The following NEGR1 variants were observed in gnomAD, a reference collection of about 807,000 sequenced individuals.
The protein encoded by NEGR1 is neuronal growth regulator 1, also known as IgLON family member 4.
A neutral mutation model predicts 40.9 loss-of-function variants in NEGR1; 10 were observed. The ratio of observed to expected loss-of-function variants is 0.24; its 90% CI spans 0.15 to 0.42. The LOEUF (loss-of-function observed/expected upper bound fraction) is 0.42, where lower values mean the gene tolerates loss of function less well. Among genes scored for constraint, NEGR1 ranks in the 10% least tolerant of loss-of-function variants. NEGR1 has a pLI of 1.00. For missense variants in NEGR1, 352 were observed against 438.9 expected (o/e 0.80, Z 1.77); for synonymous variants, 185 against 166.8 (o/e 1.11, Z -0.84).
chr1:71,634,627 T>G (rs1651084026), intron 4 of NEGR1, among the ~76,000 whole-genome samples: 1 of 152,134 alleles, frequency 6.6e-6, no homozygotes, highest in Admixed American at 6.6e-5. Flanking sequence ...TTGAATTGAT[T>G]TTAGGACTAA....
At chr1:71,500,786 C>T (rs927115408) in intron 6 of NEGR1, among the ~76,000 whole-genome samples, 1 of 151,906 alleles carries the variant, frequency 6.6e-6, no homozygotes, top group Non-Finnish European at 1.5e-5. Flanking sequence ...AATGCATAGC[C>T]TACCATATAC....
chr1:72,220,626 T>C (rs944885626), intron 1 of NEGR1, among the ~76,000 whole-genome samples: 6 of 151,358 alleles, frequency 4.0e-5, no homozygotes, highest in Non-Finnish European at 8.9e-5. Context: ...ACTAACTGAA[T>C]TTCTATATAA....
At chr1:71,876,185 T>G (rs1660424574) in intron 2 of NEGR1, among the ~76,000 whole-genome samples, 1 of 152,092 alleles carries the variant, frequency 6.6e-6, no homozygotes, top group African/African-American at 2.4e-5. Context: ...TATAGAATAT[T>G]TTTCTTCGGA....
At chr1:71,816,434 C>A (rs572005654) in intron 2 of NEGR1, among the ~76,000 whole-genome samples, 1 of 151,996 alleles carries the variant, frequency 6.6e-6, no homozygotes, top group Non-Finnish European at 1.5e-5. Context: ...GCTAGGGAGG[C>A]CTCACAATCA....
intron 6 of NEGR1, among the ~76,000 whole-genome samples, chr1:71,444,986 C>A (rs966422787): frequency 6.6e-5 from 10 of 152,150 alleles, no homozygotes; most frequent in African/African-American, 2.4e-4. Context: ...AATCTCTGTT[C>A]TCATGGAGTT....
Position 71,470,256 on chromosome 1 carries a change from T to C in NEGR1, c.941-62686A>G, listed in dbSNP as rs1403439187. On this transcript the variant is annotated intron_variant, in intron 6 of 6. Coordinates refer to ENST00000357731, the MANE Select transcript of NEGR1 (RefSeq NM_173808.3). ...TTTTCCTACTATCGAAGTTATTTAT[T>C]TTTTGCATGTTTATTACAGATACTG... Among the ~76,000 whole-genome samples the C allele has an allele frequency of 3.3e-5, 5 of 152,204 alleles. No homozygotes were observed. In the South Asian group the frequency reaches 1.0e-3, roughly 32 times the overall value.
intron 1 of NEGR1, among the ~76,000 whole-genome samples, chr1:72,143,920 T>TATATATATATATATATATATA (rs1650797934): frequency 9.5e-6 from 1 of 105,242 alleles, no homozygotes; most frequent in African/African-American, 5.0e-5. Context: ...ATATAATATA[T>TATATATATATATATATATATA]ATATATATAT....
At chr1:71,773,480 T>C (rs567055586) in intron 3 of NEGR1, among the ~76,000 whole-genome samples, 134 of 152,174 alleles carry the variant, frequency 8.8e-4, no homozygotes, top group African/African-American at 3.0e-3. Flanking sequence ...TTAGGCAAAA[T>C]ACAAAGAGAT....
intron 1 of NEGR1, among the ~76,000 whole-genome samples, chr1:72,113,712 CTG>C (rs1209535234): frequency 3.3e-5 from 5 of 151,868 alleles, no homozygotes; most frequent in Non-Finnish European, 7.4e-5. Context: ...CAGATTCAAA[CTG>C]TGATCTTTCT....
intron 2 of NEGR1, among the ~76,000 whole-genome samples, chr1:71,888,623 G>A (rs1395398814): frequency 5.1e-5 from 7 of 137,928 alleles, no homozygotes; most frequent in South Asian, 2.8e-4. Context: ...ACTGCAAGGC[G>A]GCAACGAGGC....
intron 1 of NEGR1, among the ~76,000 whole-genome samples, chr1:72,159,343 G>A (rs1195613028): frequency 6.6e-6 from 1 of 152,092 alleles, no homozygotes; most frequent in Non-Finnish European, 1.5e-5. Flanking sequence ...AGTCTTGGTT[G>A]ATTAAACACA....
intron 1 of NEGR1, among the ~76,000 whole-genome samples, chr1:71,984,180 G>A (rs938097306): frequency 2.7e-5 from 4 of 146,102 alleles, no homozygotes; most frequent in African/African-American, 9.8e-5. Context: ...CCCACCCATA[G>A]CCTTATAATC....
chr1:72,084,160 G>C, intron 1 of NEGR1, among the ~76,000 whole-genome samples: 1 of 151,950 alleles, frequency 6.6e-6, no homozygotes, highest in Admixed American at 6.6e-5. Context: ...AGCCTTTACA[G>C]CAATATTTTA....
At chr1:72,245,370 A>G (rs1654870319) in intron 1 of NEGR1, among the ~76,000 whole-genome samples, 1 of 152,052 alleles carries the variant, frequency 6.6e-6, no homozygotes, top group Non-Finnish European at 1.5e-5. Context: ...TTATAATACT[A>G]TTTCTATTGA....
intron 3 of NEGR1, among the ~76,000 whole-genome samples, chr1:71,731,321 G>A (rs1461743729): frequency 1.3e-5 from 2 of 152,148 alleles, no homozygotes; most frequent in South Asian, 2.1e-4. Flanking sequence ...TCTACTCAGA[G>A]TGGCTCTACT....
intron 3 of NEGR1, among the ~76,000 whole-genome samples, chr1:71,709,482 A>G (rs1300892500): frequency 1.3e-5 from 2 of 152,088 alleles, no homozygotes; most frequent in African/African-American, 2.4e-5. Context: ...CTACTGAGCT[A>G]TAGTAACCAA....
intron 1 of NEGR1, among the ~76,000 whole-genome samples, chr1:72,238,970 G>A (rs1482493656): frequency 1.3e-5 from 2 of 151,772 alleles, no homozygotes; most frequent in African/African-American, 2.4e-5. Flanking sequence ...TTTTCTGAGA[G>A]TCTTCATTGT....
intron 1 of NEGR1, among the ~76,000 whole-genome samples, chr1:72,204,664 CA>C (rs974675888): frequency 7.3e-5 from 11 of 151,660 alleles, no homozygotes; most frequent in African/African-American, 2.2e-4. Context: ...TAAGGACACA[CA>C]AAAAAAACTC....
At chr1:71,640,543 T>C (rs1651315167) in intron 4 of NEGR1, among the ~76,000 whole-genome samples, 1 of 151,980 alleles carries the variant, frequency 6.6e-6, no homozygotes, top group African/African-American at 2.4e-5. Flanking sequence ...TGGTAAGTGT[T>C]AAGTCTTTTT....
Sources: allele counts gnomAD v4.1 joint callset (sites outside exome capture counted in the v4.1 genomes callset), GRCh38; gene constraint gnomAD v4.1.1; transcripts MANE v1.5; gene names NCBI Gene and HGNC (gene_info 2026-07-23, HGNC 2026-07-21).